The following SEC24D variants were observed in gnomAD, a reference collection of about 807,000 sequenced individuals.
SEC24D encodes the protein SEC24 homolog D, COPII component, also known as protein transport protein Sec24D.
In SEC24D, 69 loss-of-function variants were observed where a neutral mutation model predicts 116.9. That is an observed-to-expected ratio of 0.59 (90% confidence interval 0.49 to 0.72). The LOEUF (loss-of-function observed/expected upper bound fraction) is 0.72, where lower values mean the gene tolerates loss of function less well. Ranked by LOEUF, SEC24D falls within the 30% of genes least tolerant of loss-of-function variation. SEC24D has a pLI of 0.00. For missense variants in SEC24D, 1,131 were observed against 1,264.1 expected, an observed-to-expected ratio of 0.89 and a Z score of 1.60; for synonymous variants, 405 against 442.8, an observed-to-expected ratio of 0.91 and a Z score of 1.07.
chr4:118,834,128 A>T (rs893339645), intron 1 of SEC24D, among the ~76,000 whole-genome samples: 5 of 152,228 alleles, frequency 3.3e-5, no homozygotes, highest in Non-Finnish European at 7.3e-5. Context: ...TGACCACCAT[A>T]ACTGCCAGTA....
intron 8 of SEC24D, among the ~76,000 whole-genome samples, chr4:118,776,081 A>G (rs1292960245): frequency 6.6e-6 from 1 of 150,894 alleles, no homozygotes; most frequent in African/African-American, 2.4e-5. Context: ...AGAGATAGGG[A>G]AGGAGTTAGG....
At chr4:118,783,041 C>T (rs1442818378) in intron 8 of SEC24D, among the ~76,000 whole-genome samples, 2 of 152,208 alleles carry the variant, frequency 1.3e-5, no homozygotes, top group Non-Finnish European at 2.9e-5. Context: ...AGGGAAATCC[C>T]CTGACCCCTT....
intron 2 of SEC24D, among the ~76,000 whole-genome samples, chr4:118,829,869 C>G (rs1178572300): frequency 6.6e-6 from 1 of 151,868 alleles, no homozygotes; most frequent in Non-Finnish European, 1.5e-5. Flanking sequence ...AATGAATAAG[C>G]ATAAATGGAG....
intron 2 of SEC24D, among the ~76,000 whole-genome samples, chr4:118,826,054 T>G (rs1032546992): frequency 6.6e-6 from 1 of 151,880 alleles, no homozygotes; most frequent in Non-Finnish European, 1.5e-5. Flanking sequence ...TGAATAATAT[T>G]GAAACTTTTA....
At chr4:118,783,900 T>C (rs1283987331) in intron 8 of SEC24D, among the ~76,000 whole-genome samples, 1 of 152,214 alleles carries the variant, frequency 6.6e-6, no homozygotes, top group Non-Finnish European at 1.5e-5. Flanking sequence ...CAATCTGCTA[T>C]TGACGTAAAC....
chr4:118,802,301 C>A (rs1162616515), intron 7 of SEC24D, among the ~76,000 whole-genome samples: 4 of 152,150 alleles, frequency 2.6e-5, no homozygotes, highest in African/African-American at 9.7e-5. Context: ...ATATTTTAAA[C>A]TTTTCTTTGT....
At chr4:118,761,471 C>T (rs1484193704) in intron 10 of SEC24D, among the ~76,000 whole-genome samples, 3 of 152,186 alleles carry the variant, frequency 2.0e-5, no homozygotes, top group Non-Finnish European at 2.9e-5. Flanking sequence ...AGATAGACTG[C>T]GTCTCAAAAC....
chr4:118,808,215 C>T (rs1729757159), intron 6 of SEC24D, among the ~76,000 whole-genome samples: 1 of 152,200 alleles, frequency 6.6e-6, no homozygotes, highest in African/African-American at 2.4e-5. Flanking sequence ...CCTACCTTAG[C>T]CACCAAAAGT....
intron 4 of SEC24D, among the ~76,000 whole-genome samples, chr4:118,816,248 A>G (rs1025120817): frequency 5.9e-5 from 9 of 152,096 alleles, no homozygotes; most frequent in Non-Finnish European, 1.5e-5. Flanking sequence ...TTTAAAAGGT[A>G]AAAGCAACAT....
intron 19 of SEC24D, among the ~76,000 whole-genome samples, chr4:118,734,744 A>T (rs1725869657): frequency 6.6e-6 from 1 of 152,202 alleles, no homozygotes; most frequent in Non-Finnish European, 1.5e-5. Flanking sequence ...GTCAACTTCT[A>T]ATCTCCTTTC....
At chr4:118,730,163 T>C (rs1725609338) in intron 21 of SEC24D, 1 of 152,236 alleles carries the variant, frequency 6.6e-6, no homozygotes, top group African/African-American at 2.4e-5. Context: ...ACTATGTCAA[T>C]ATATTACAAG....
rs758995226 is a variant in SEC24D at position 118,815,560 on chromosome 4, T to C, written c.564A>G (p.Leu188=). Residue 188 remains leucine, a synonymous_variant, in exon 5 of 23, where the codon CTA becomes CTG. Coordinates refer to ENST00000280551, the MANE Select transcript of SEC24D (RefSeq NM_014822.4). ...LNGPGASPLP[L]PMYRPDGLSG... ...AGAGCCCATCTGGTCTGTACATTGG[T>C]AGAGGCAAAGGTGAGGCACCAGGAC... 2 of 1,614,122 alleles carry C rather than the reference T, an allele frequency of 1.2e-6. No individual in the cohort carries two copies. The highest frequency in any genetic ancestry group is 1.3e-5 in the African/African-American group (1 of 75,022).
intron 22 of SEC24D, 62 bp from the exon 23 acceptor site, chr4:118,723,717 C>G (rs1317288780): frequency 6.5e-7 from 1 of 1,549,640 alleles, no homozygotes; most frequent in African/African-American, 1.4e-5. Context: ...GAAAATGGGT[C>G]AATTTTGTCT....
intron 22 of SEC24D, among the ~76,000 whole-genome samples, chr4:118,724,281 G>A (rs1725296347): frequency 6.6e-6 from 1 of 152,230 alleles, no homozygotes; most frequent in Admixed American, 6.5e-5. Context: ...TTAACACACA[G>A]GGAAAACAGG....
At chr4:118,825,565 T>C (rs1264557508) in intron 2 of SEC24D, 1 of 456,272 alleles carries the variant, frequency 2.2e-6, no homozygotes, top group East Asian at 6.9e-5. Context: ...TGGTTACTTA[T>C]TAGTTGTATG....
chr4:118,797,068 T>C (rs555479998), intron 8 of SEC24D, among the ~76,000 whole-genome samples: 1 of 152,260 alleles, frequency 6.6e-6, no homozygotes, highest in South Asian at 2.1e-4. Context: ...GCAGTGTAGG[T>C]TGGAATTGGG....
intron 13 of SEC24D, 140 bp downstream of exon 13, chr4:118,751,856 T>G: frequency 3.1e-6 from 2 of 653,098 alleles, no homozygotes; most frequent in South Asian, 3.5e-5. Context: ...TCCTGAGATC[T>G]GAGTGGAAGT....
In SEC24D at chr4:118,732,843, G is replaced by A; in HGVS notation, c.2566C>T (p.Leu856Phe). 6.2e-7 allele frequency: 1 copy of A among 1,614,032 alleles called. No individual in the cohort carries two copies. The highest frequency in any genetic ancestry group is 8.5e-7 in the Non-Finnish European group (1 of 1,179,910). ...TCAGTTGAGATCTCTGGTCTGCTGAGTAGTACACAGTTTTTCAACAAGCAA... is the reference window on the plus strand; with the variant it reads ...TCAGTTGAGATCTCTGGTCTGCTGAATAGTACACAGTTTTTCAACAAGCAA... ...MNCLLKNCVLLSRPEISTDER... is the reference protein window; with the variant it reads ...MNCLLKNCVLFSRPEISTDER... Residue 856 changes from leucine to phenylalanine, a missense_variant, in exon 20 of 23, where the codon CTC becomes TTC. Physicochemically the swap from Leu to Phe is conservative, Grantham distance 22. Transcript: ENST00000280551.
chr4:118,797,719 A>G lies in SEC24D; in HGVS notation c.1005T>C (p.Ala335=). 1 of 1,610,726 alleles carries G rather than the reference A, an allele frequency of 6.2e-7. No individual in the cohort carries two copies. The highest frequency in any genetic ancestry group is 2.2e-5 in the East Asian group (1 of 44,844). ...MAKQAQIPLA[A]VIKPFATIPS... ...GAATGGTGGCAAAGGGCTTGATGACAGCAGCTAATGGAATCTGAGCTTGCT... is the reference window on the plus strand; with the variant it reads ...GAATGGTGGCAAAGGGCTTGATGACGGCAGCTAATGGAATCTGAGCTTGCT... Residue 335 remains alanine, a synonymous_variant, in exon 8 of 23, where the codon GCT becomes GCC. Transcript: ENST00000280551.
Sources: gnomAD v4.1 joint callset for allele counts (sites outside exome capture counted in the v4.1 genomes callset) on GRCh38, gnomAD v4.1.1 for gene constraint, MANE v1.5 for transcripts, NCBI Gene and HGNC (gene_info 2026-07-23, HGNC 2026-07-21) for gene names.